The following JADE2 variants were observed in gnomAD, a reference collection of about 807,000 sequenced individuals.
JADE2 encodes jade family PHD finger 2.
Under a neutral mutation model 85.7 loss-of-function variants are expected in JADE2, and 13 were observed. The ratio of observed to expected loss-of-function variants is 0.15; its 90% confidence interval spans 0.10 to 0.24. The LOEUF (loss-of-function observed/expected upper bound fraction) is 0.24. Ranked by LOEUF, JADE2 falls within the 10% of genes least tolerant of loss-of-function variation. The pLI is 1.00. For synonymous variants in JADE2, 440 were observed against 456.1 expected (o/e 0.96, Z 0.45); for missense variants, 846 against 1,115.9 (o/e 0.76, Z 3.45).
chr5:134,524,756 C>T (rs1028221777), upstream of JADE2, among the ~76,000 whole-genome samples: 14 of 152,206 alleles, frequency 9.2e-5, no homozygotes, highest in African/African-American at 3.4e-4. Context: ...CGGACCGCCC[C>T]TCTTTTCTTG....
intron 3 of JADE2, among the ~76,000 whole-genome samples, chr5:134,541,957 A>C (rs1391872720): frequency 2.6e-5 from 4 of 152,252 alleles, no homozygotes; most frequent in African/African-American, 9.6e-5. Flanking sequence ...CCCTTGCCCA[A>C]TGGCTGGCCC....
At chr5:134,526,957 C>G (rs943581891) in intron 1 of JADE2, among the ~76,000 whole-genome samples, 2 of 152,180 alleles carry the variant, frequency 1.3e-5, no homozygotes, top group Non-Finnish European at 2.9e-5. Context: ...CTTCTCCCAA[C>G]TCTGCCGGTT....
Position 134,578,716 on chromosome 5 carries a change from C to A in JADE2, c.1904C>A (p.Ala635Asp). The change falls in exon 12 of 12, where the codon GCT becomes GAT. Residue 635 changes from alanine (A) to aspartate (D), a missense_variant. Ala to Asp is a moderately radical substitution (Grantham distance 126). Coordinates refer to ENST00000681547, the MANE Select transcript of JADE2 (RefSeq NM_001388185.1). This position sits in a 1 kb window ranked among gnomAD's most constrained non-coding sequence, Gnocchi z 4.4. ...RDPSLRPGDP[A>D]RKARGRTRLP... is the part of the protein sequence containing the mutation. ...CCCTCGCTGCGACCTGGTGACCCTGCTAGGAAGGCCCGAGGCCGCACCCGC... is the reference window on the plus strand; with the variant it reads ...CCCTCGCTGCGACCTGGTGACCCTGATAGGAAGGCCCGAGGCCGCACCCGC... The A allele has an allele frequency of 6.2e-7, 1 of 1,613,356 alleles. No individual in the cohort carries two copies. The highest frequency in any genetic ancestry group is 1.3e-5 in the African/African-American group (1 of 75,024).
At chr5:134,559,584 C>T (rs1763197971) in intron 4 of JADE2, among the ~76,000 whole-genome samples, 1 of 152,228 alleles carries the variant, frequency 6.6e-6, no homozygotes. Flanking sequence ...TCCCATCCCC[C>T]ACTGTGCCCT....
chr5:134,567,775 G>A (rs1302012330), intron 9 of JADE2, among the ~76,000 whole-genome samples: 1 of 152,210 alleles, frequency 6.6e-6, no homozygotes, highest in Non-Finnish European at 1.5e-5. Context: ...GCTCAAGAGG[G>A]AAATGACCTA....
At chr5:134,567,929 C>G (rs909698293) in intron 9 of JADE2, among the ~76,000 whole-genome samples, 3 of 152,186 alleles carry the variant, frequency 2.0e-5, no homozygotes, top group African/African-American at 7.2e-5. Flanking sequence ...CACCTCCTGG[C>G]CAGCCCAGCC....
chr5:134,577,094 C>T (rs144964334), intron 11 of JADE2, 198 bp downstream of exon 11: 94 of 599,716 alleles, frequency 1.6e-4, no homozygotes, highest in African/African-American at 1.4e-3. Context: ...GTGTGACATC[C>T]TGGGAAATGC....
chr5:134,545,777 C>T (rs757089598), intron 3 of JADE2, among the ~76,000 whole-genome samples: 3 of 152,176 alleles, frequency 2.0e-5, no homozygotes, highest in Non-Finnish European at 4.4e-5. Flanking sequence ...GGGCAATTAC[C>T]TTTCTCTGTT....
At chr5:134,526,315 A>G in intron 1 of JADE2, 1 of 984,912 alleles carries the variant, frequency 1.0e-6, no homozygotes, top group Non-Finnish European at 1.2e-6. Flanking sequence ...TTTATTAATG[A>G]CTGCGGCAAA....
At chr5:134,526,109 T>TCTCTTGCTCGCTCGCTCC (rs1396859384) in intron 1 of JADE2, 98 bp downstream of exon 1, 6 of 984,808 alleles carry the variant, frequency 6.1e-6, no homozygotes, top group Non-Finnish European at 7.2e-6. Context: ...TCCCTCGCTC[T>TCTCTTGCTCGCTCGCTCC]CTCTTGCTCG....
At position 134,579,554 on chromosome 5, in the gene JADE2, C is replaced by G; in HGVS notation, c.*237C>G. On this transcript the variant is annotated 3_prime_UTR_variant, in exon 12 of 12. Coordinates refer to ENST00000681547, the MANE Select transcript of JADE2 (RefSeq NM_001388185.1). The surrounding 1 kb of genome is among the most constrained non-coding windows in gnomAD (Gnocchi z 4.6). ...TCCGGCCGCTAGGACCCTGCCAGGT[C>G]CCGCGCACCATCCCTGCCCTGCCCA... 1 of 527,554 alleles carries G rather than the reference C, an allele frequency of 1.9e-6. No homozygotes were observed. The highest frequency in any genetic ancestry group is 2.9e-5 in the South Asian group (1 of 34,238). 32.7% of individuals were successfully genotyped at this position (527,554 alleles called of 1,614,324 possible). A position where few individuals can be genotyped will look rare whatever the true frequency, so the allele number is the denominator to read the frequency against.
intron 3 of JADE2, among the ~76,000 whole-genome samples, chr5:134,538,469 G>A (rs998015410): frequency 6.6e-6 from 1 of 152,166 alleles, no homozygotes; most frequent in Non-Finnish European, 1.5e-5. Flanking sequence ...TTTGGAGGCC[G>A]AGCCAAGAGT....
intron 4 of JADE2, among the ~76,000 whole-genome samples, chr5:134,554,002 C>T (rs1373223654): frequency 6.6e-6 from 1 of 152,202 alleles, no homozygotes; most frequent in African/African-American, 2.4e-5. Context: ...ACCAGTCTGC[C>T]TGGTCTGGGC....
chr5:134,557,275 T>A (rs1763023901), intron 4 of JADE2, among the ~76,000 whole-genome samples: 1 of 93,750 alleles, frequency 1.1e-5, no homozygotes. Context: ...TTTATTTTTT[T>A]TTTTATTTTT....
intron 3 of JADE2, among the ~76,000 whole-genome samples, chr5:134,545,022 T>G (rs1050922873): frequency 6.6e-6 from 1 of 152,180 alleles, no homozygotes; most frequent in African/African-American, 2.4e-5. Context: ...AGTAGAACAA[T>G]GAAGGCGTAT....
chr5:134,553,094 A>C (rs1162421759), intron 4 of JADE2, among the ~76,000 whole-genome samples: 2 of 147,566 alleles, frequency 1.4e-5, no homozygotes, highest in Non-Finnish European at 3.0e-5. Context: ...CCCAGCCTCA[A>C]GTGATCCTCC....
chr5:134,569,968 C>T (rs1385452929), intron 9 of JADE2, among the ~76,000 whole-genome samples: 3 of 152,206 alleles, frequency 2.0e-5, no homozygotes, highest in Admixed American at 6.5e-5. Flanking sequence ...ACATCCTGCT[C>T]CGTGCCTGCA....
In JADE2 at chr5:134,549,661, CA is replaced by C. The variant is rs942879903; in HGVS notation, c.154-2380del. On this transcript the variant is annotated intron_variant, in intron 3 of 11. Coordinates refer to ENST00000681547, the MANE Select transcript of JADE2 (RefSeq NM_001388185.1). ...AACAGAGCAAGGCTCTGTCTCAAAA[CA>C]AAAAAAAAAAGTTACAGCCCAGGAT... Among the ~76,000 whole-genome samples, 179 of 142,078 alleles carry C rather than the reference CA, an allele frequency of 1.3e-3. 1 individual carries two copies. Among genetic ancestry groups the C allele is most frequent in the Non-Finnish European group, 2.1e-3 (135 of 64,418 alleles). The allele number at this position is 142,078 out of a possible 152,430, so 93.2% of individuals were successfully genotyped here. A position where few individuals can be genotyped will look rare whatever the true frequency, so the allele number is the denominator to read the frequency against.
At chr5:134,549,388 G>A (rs60445744) in intron 3 of JADE2, among the ~76,000 whole-genome samples, 29,932 of 152,050 alleles carry the variant, frequency 0.2, 3,160 homozygotes, top group East Asian at 0.38. Context: ...GGCCAGGTGC[G>A]GGTGGCTTAC....
Sources: gnomAD v4.1 joint callset for allele counts (sites outside exome capture counted in the v4.1 genomes callset) on GRCh38, gnomAD v4.1.1 for gene constraint, Gnocchi (gnomAD v3.1) non-coding constraint, MANE v1.5 for transcripts, NCBI Gene and HGNC (gene_info 2026-07-23, HGNC 2026-07-21) for gene names.